The following INTS7 variants were observed in gnomAD, a reference collection of about 807,000 sequenced individuals.
INTS7 encodes the protein integrator complex subunit 7, also known as chromosome 1 open reading frame 73.
In INTS7, 46 loss-of-function variants were observed where a neutral mutation model predicts 109.2. The ratio of observed to expected loss-of-function variants is 0.42; its 90% CI spans 0.33 to 0.54. The LOEUF (loss-of-function observed/expected upper bound fraction) is 0.54, where lower values mean the gene tolerates loss of function less well. Ranked by LOEUF, INTS7 falls within the 20% of genes least tolerant of loss-of-function variation. The pLI is 0.07. For synonymous variants in INTS7, 412 were observed against 402.9 expected, an observed-to-expected ratio of 1.02 and a Z score of -0.27; for missense variants, 929 against 1,132.4, an observed-to-expected ratio of 0.82 and a Z score of 2.58.
intron 16 of INTS7, among the ~76,000 whole-genome samples, chr1:211,958,271 T>C (rs1014442856): frequency 6.6e-6 from 1 of 152,216 alleles, no homozygotes. Context: ...TATGGTATTT[T>C]TCCTGAATAT....
At chr1:211,986,119 T>C (rs1256258846) in intron 8 of INTS7, among the ~76,000 whole-genome samples, 1 of 152,142 alleles carries the variant, frequency 6.6e-6, no homozygotes, top group Non-Finnish European at 1.5e-5. Flanking sequence ...GGTGGCTTGC[T>C]TTCTTTTGGC....
intron 13 of INTS7, among the ~76,000 whole-genome samples, chr1:211,970,390 T>C (rs1160598371): frequency 1.3e-5 from 2 of 152,204 alleles, no homozygotes; most frequent in Non-Finnish European, 2.9e-5. Context: ...AACAGAGGCA[T>C]AGTGAAAATT....
At chr1:212,029,689 T>A (rs761464443) in intron 1 of INTS7, among the ~76,000 whole-genome samples, 1 of 152,226 alleles carries the variant, frequency 6.6e-6, no homozygotes, top group Non-Finnish European at 1.5e-5. Flanking sequence ...AAATAAAGCA[T>A]TACCAAACAA....
intron 17 of INTS7, among the ~76,000 whole-genome samples, chr1:211,951,368 G>A (rs1218197258): frequency 6.6e-6 from 1 of 152,244 alleles, no homozygotes; most frequent in East Asian, 1.9e-4. Context: ...GAGTGCAGTG[G>A]CGCTATCTCA....
chr1:212,026,470 TAC>T (rs1416835280), intron 1 of INTS7, among the ~76,000 whole-genome samples: 3 of 152,202 alleles, frequency 2.0e-5, no homozygotes, highest in Non-Finnish European at 4.4e-5. Flanking sequence ...TTCACCCTCT[TAC>T]ACACACAAAG....
intron 1 of INTS7, among the ~76,000 whole-genome samples, chr1:212,024,064 A>G (rs912025432): frequency 6.6e-6 from 1 of 152,128 alleles, no homozygotes; most frequent in African/African-American, 2.4e-5. Flanking sequence ...TCTGCTGTCT[A>G]TGTGACTGTG....
intron 7 of INTS7, among the ~76,000 whole-genome samples, chr1:211,996,247 C>T (rs868226925): frequency 4.5e-4 from 68 of 152,114 alleles, no homozygotes; most frequent in Middle Eastern, 6.8e-3. Flanking sequence ...CCCGGCGAAA[C>T]CCCATCTCTA....
At chr1:212,014,745 G>T (rs1034895765) in intron 4 of INTS7, among the ~76,000 whole-genome samples, 1 of 152,068 alleles carries the variant, frequency 6.6e-6, no homozygotes, top group South Asian at 2.1e-4. Flanking sequence ...GGGTTTCGCC[G>T]TGTTGGCCGG....
At position 212,021,067 on chromosome 1, in the gene INTS7, A is replaced by G. The variant is rs1666673969; in HGVS notation, c.224+16T>C. On this transcript the variant is annotated intron_variant, in intron 2 of 19. Coordinates refer to ENST00000366994, the MANE Select transcript of INTS7 (RefSeq NM_015434.4). ...AACAAAGTACTTTAGGACATCGAGA[A>G]TTTAAAAAGACTTACCCAACTCTGA... 6.3e-7 allele frequency: 1 copy of G among 1,589,166 alleles called. No individual in the cohort carries two copies. Among genetic ancestry groups the G allele is most frequent in the Non-Finnish European group, 8.5e-7 (1 of 1,171,258 alleles).
At chr1:212,016,769 C>T (rs1666462619) in intron 4 of INTS7, 117 bp downstream of exon 4, 2 of 783,808 alleles carry the variant, frequency 2.6e-6, no homozygotes, top group Admixed American at 3.0e-5. Context: ...GAAAACACAC[C>T]TTGTAATTTA....
intron 17 of INTS7, among the ~76,000 whole-genome samples, chr1:211,948,541 G>C (rs1205314842): frequency 6.6e-6 from 1 of 152,224 alleles, no homozygotes; most frequent in African/African-American, 2.4e-5. Context: ...GAATGGTGCA[G>C]ATTTTGCAAT....
chr1:211,968,130 A>C, intron 14 of INTS7, 149 bp from the exon 15 acceptor site: 1 of 530,414 alleles, frequency 1.9e-6, no homozygotes, highest in South Asian at 3.1e-5. Context: ...TCATTTTCAT[A>C]AACTTTGTTA....
At chr1:212,034,899 T>C (rs1356925001) in intron 1 of INTS7, among the ~76,000 whole-genome samples, 2 of 152,220 alleles carry the variant, frequency 1.3e-5, no homozygotes, top group Admixed American at 1.3e-4. Flanking sequence ...TAGCCTGCCT[T>C]GTAACCCGCA....
At chr1:212,011,157 C>T (rs1341761582) in intron 5 of INTS7, among the ~76,000 whole-genome samples, 1 of 151,838 alleles carries the variant, frequency 6.6e-6, no homozygotes, top group African/African-American at 2.4e-5. Flanking sequence ...TCCCCACACA[C>T]CCCACCCCTG....
chr1:211,943,538 T>C (rs1662720779), intron 19 of INTS7, among the ~76,000 whole-genome samples: 1 of 152,186 alleles, frequency 6.6e-6, no homozygotes, highest in African/African-American at 2.4e-5. Flanking sequence ...TTTTTCATCA[T>C]TCACAAATTA....
At chr1:212,014,023 G>T (rs1434124737) in intron 4 of INTS7, among the ~76,000 whole-genome samples, 1 of 152,112 alleles carries the variant, frequency 6.6e-6, no homozygotes, top group African/African-American at 2.4e-5. Flanking sequence ...ATTTTCAAAG[G>T]CACAAATAGG....
chr1:212,006,453 T>TAG (rs1665913120), intron 7 of INTS7, among the ~76,000 whole-genome samples, 186 bp downstream of exon 7: 1 of 152,216 alleles, frequency 6.6e-6, no homozygotes, highest in Non-Finnish European at 1.5e-5. Context: ...CATTGAAGTA[T>TAG]AGAAGTTTTA....
chr1:211,983,439 T>A (rs1422469487), intron 8 of INTS7, among the ~76,000 whole-genome samples: 1 of 152,176 alleles, frequency 6.6e-6, no homozygotes, highest in East Asian at 1.9e-4. Context: ...TACCTTAAAT[T>A]CCATGCTATA....
rs1665967833 is a variant in INTS7, at chr1:212,007,193, A to G, written c.756+57T>C. The G allele has an allele frequency of 3.4e-6, 4 of 1,183,414 alleles. No homozygotes were observed. In the African/African-American group the frequency reaches 4.6e-5, roughly 14 times the overall value. 73.3% of individuals were successfully genotyped at this position (1,183,414 alleles called of 1,614,324 possible). On this transcript the variant is annotated intron_variant, in intron 6 of 19. Coordinates refer to ENST00000366994, the MANE Select transcript of INTS7 (RefSeq NM_015434.4). ...GTGGGCCACTTTCTTATTTCTAATC[A>G]TATATTTAATATGTAAGTTTACCAA...
Sources: gnomAD v4.1 joint callset for allele counts (sites outside exome capture counted in the v4.1 genomes callset) on GRCh38, gnomAD v4.1.1 for gene constraint, MANE v1.5 for transcripts, NCBI Gene and HGNC (gene_info 2026-07-23, HGNC 2026-07-21) for gene names.